The following PRKCH variants were observed in gnomAD, a reference collection of about 807,000 sequenced individuals.
PRKCH encodes protein kinase C eta type.
A neutral mutation model predicts 82.5 loss-of-function variants in PRKCH; 28 were observed. The ratio of observed to expected loss-of-function variants is 0.34; its 90% CI spans 0.25 to 0.47. The LOEUF is 0.47. Among genes scored for constraint, PRKCH ranks in the 20% least tolerant of loss-of-function variants. The pLI is 1.00. For missense variants in PRKCH, 705 were observed against 881.8 expected, an observed-to-expected ratio of 0.80 and a Z score of 2.54; for synonymous variants, 322 against 327.4, an observed-to-expected ratio of 0.98 and a Z score of 0.18.
At chr14:61,352,678 GA>G (rs199947033) in intron 1 of PRKCH, among the ~76,000 whole-genome samples, 6,720 of 125,818 alleles carry the variant, frequency 0.053, 233 homozygotes, top group Non-Finnish European at 0.074. Flanking sequence ...GAGAGAGAGA[GA>G]GAAAGGAAAG....
intron 1 of PRKCH, among the ~76,000 whole-genome samples, chr14:61,230,670 G>A (rs1057393522): frequency 3.3e-5 from 5 of 152,192 alleles, no homozygotes; most frequent in Non-Finnish European, 7.3e-5. Flanking sequence ...CAGAGAAGCT[G>A]TATGCAAACT....
intron 4 of PRKCH, 49 bp downstream of exon 4, chr14:61,445,775 A>G: frequency 6.5e-7 from 1 of 1,531,638 alleles, no homozygotes; most frequent in South Asian, 1.1e-5. Context: ...CTATGTTAAA[A>G]GAAATGATTA....
intron 1 of PRKCH, among the ~76,000 whole-genome samples, chr14:61,229,652 G>T (rs2044724917): frequency 6.6e-6 from 1 of 152,096 alleles, no homozygotes; most frequent in Non-Finnish European, 1.5e-5. Context: ...ATTGGAGGGT[G>T]GATTGGAAAG....
intron 1 of PRKCH, among the ~76,000 whole-genome samples, chr14:61,357,712 A>AACT (rs1328349381): frequency 6.6e-5 from 10 of 152,136 alleles, no homozygotes; most frequent in Non-Finnish European, 1.3e-4. Context: ...TCTTCTCTAG[A>AACT]AGAGTTTTTA....
chr14:61,193,881 C>T (rs1178113985), intron 1 of PRKCH, among the ~76,000 whole-genome samples: 1 of 152,182 alleles, frequency 6.6e-6, no homozygotes, highest in Non-Finnish European at 1.5e-5. Flanking sequence ...TTCTGTCTTC[C>T]TCTGCACACC....
In PRKCH at chr14:61,328,016, C is replaced by T. The variant is rs575189248; in HGVS notation, c.363+5552C>T. The stretch of plus-strand genomic sequence containing the variant: ...CTGTAATCCCAGCACTTTGGGAGGC[C>T]GAGGCGGGTGGATCATGAGGTCAGG... On this transcript the variant is annotated intron_variant, in intron 1 of 13. Coordinates refer to ENST00000332981, the MANE Select transcript of PRKCH (RefSeq NM_006255.5). Among the ~76,000 whole-genome samples, 46 of 150,700 alleles carry T rather than the reference C, an allele frequency of 3.1e-4. 1 individual carries two copies. The highest frequency in any genetic ancestry group is 9.2e-4 in the Admixed American group (14 of 15,176).
chr14:61,406,340 T>G (rs1881952533), intron 2 of PRKCH, among the ~76,000 whole-genome samples: 1 of 25,784 alleles, frequency 3.9e-5, no homozygotes, highest in Non-Finnish European at 7.8e-5. Flanking sequence ...GGGGGGCACA[T>G]GAGACTCAGC....
At chr14:61,213,683 T>C (rs1489082129) in intron 1 of PRKCH, among the ~76,000 whole-genome samples, 3 of 152,214 alleles carry the variant, frequency 2.0e-5, no homozygotes, top group Non-Finnish European at 1.5e-5. Flanking sequence ...TTCTGGGTTA[T>C]TCCTGAACCC....
At chr14:61,331,248 A>G (rs1477342704) in intron 1 of PRKCH, among the ~76,000 whole-genome samples, 1 of 152,224 alleles carries the variant, frequency 6.6e-6, no homozygotes, top group Non-Finnish European at 1.5e-5. Context: ...TTTTACTTAC[A>G]TAAAGATTTG....
intron 1 of PRKCH, among the ~76,000 whole-genome samples, chr14:61,248,620 G>A (rs966753792): frequency 2.0e-5 from 3 of 152,180 alleles, no homozygotes; most frequent in Admixed American, 1.3e-4. Context: ...CTTGAAGAGT[G>A]TCCAGTACTG....
At chr14:61,385,974 T>C (rs2046582000) in intron 1 of PRKCH, among the ~76,000 whole-genome samples, 1 of 152,182 alleles carries the variant, frequency 6.6e-6, no homozygotes. Flanking sequence ...TGGACAAGTA[T>C]AAAAAGGAAG....
In PRKCH at chr14:61,466,061, G is replaced by A. The variant is rs184372989; in HGVS notation, c.1278+8382G>A. On this transcript the variant is annotated intron_variant, in intron 9 of 13. Coordinates refer to ENST00000332981, the MANE Select transcript of PRKCH (RefSeq NM_006255.5). ...ATGATGATGAACAGTCTGTATCCAAGTCAGGTTCTGCCCAAGATAGTGAAT... is the reference window on the plus strand; with the variant it reads ...ATGATGATGAACAGTCTGTATCCAAATCAGGTTCTGCCCAAGATAGTGAAT... Among the ~76,000 whole-genome samples the A allele has an allele frequency of 3.0e-3, 455 of 152,254 alleles. 4 individuals carry two copies. Among genetic ancestry groups the A allele is most frequent in the African/African-American group, 9.9e-3 (411 of 41,540 alleles).
intron 4 of PRKCH, among the ~76,000 whole-genome samples, chr14:61,447,481 A>T (rs1884284048): frequency 6.6e-6 from 1 of 152,246 alleles, no homozygotes; most frequent in Admixed American, 6.5e-5. Context: ...CAACAACAGC[A>T]GTTTTCACAT....
intron 9 of PRKCH, 82 bp from the exon 10 acceptor site, chr14:61,485,420 A>C: frequency 6.6e-7 from 1 of 1,504,830 alleles, no homozygotes; most frequent in Non-Finnish European, 9.0e-7. Flanking sequence ...TCTCTATGCC[A>C]CAGCCTTAGG....
chr14:61,282,861 CA>C (rs1454808039), intron 1 of PRKCH, among the ~76,000 whole-genome samples: 3 of 152,056 alleles, frequency 2.0e-5, no homozygotes, highest in Non-Finnish European at 2.9e-5. Context: ...GAGGAAGTTC[CA>C]AAATTCTCAG....
At chr14:61,330,309 A>C (rs1566823569) in intron 1 of PRKCH, among the ~76,000 whole-genome samples, 2 of 152,204 alleles carry the variant, frequency 1.3e-5, no homozygotes, top group African/African-American at 4.8e-5. Flanking sequence ...AAAGAAGAAA[A>C]GGAACTTCTG....
At chr14:61,270,948 T>C (rs953243488) in intron 1 of PRKCH, among the ~76,000 whole-genome samples, 1 of 152,194 alleles carries the variant, frequency 6.6e-6, no homozygotes, top group South Asian at 2.1e-4. Context: ...CACTGCAGCC[T>C]GGGTGGCAGA....
intron 10 of PRKCH, among the ~76,000 whole-genome samples, chr14:61,515,365 C>T (rs907149416): frequency 6.6e-6 from 1 of 152,180 alleles, no homozygotes; most frequent in Admixed American, 6.5e-5. Flanking sequence ...CCCTTATCCT[C>T]GTTCAACTTA....
chr14:61,500,666 C>A (rs1014530563), intron 10 of PRKCH, among the ~76,000 whole-genome samples: 2 of 152,080 alleles, frequency 1.3e-5, no homozygotes, highest in Non-Finnish European at 1.5e-5. Context: ...TGTATGTGCA[C>A]ATGAAAATAG....
Sources: allele counts gnomAD v4.1 joint callset (sites outside exome capture counted in the v4.1 genomes callset), GRCh38; gene constraint gnomAD v4.1.1; transcripts MANE v1.5; gene names NCBI Gene and HGNC (gene_info 2026-07-23, HGNC 2026-07-21).